CNTN5: variants seen among roughly 807,000 people sequenced by gnomAD.
CNTN5 encodes contactin-5.
A neutral mutation model predicts 129.1 loss-of-function variants in CNTN5; 77 were observed. That is an observed-to-expected ratio of 0.60 (90% CI 0.50 to 0.72). The LOEUF is 0.72. CNTN5 is among the 30% of genes least tolerant of loss of function. The probability of loss-of-function intolerance (pLI) is 0.00; values close to 1 mark genes in which losing one functional copy is unlikely to be tolerated. For missense variants in CNTN5, 1,478 were observed against 1,328.8 expected (o/e 1.11, Z -1.75); for synonymous variants, 509 against 465.6 (o/e 1.09, Z -1.20).
intron 1 of CNTN5, among the ~76,000 whole-genome samples, chr11:99,247,695 A>G (rs986667596): frequency 6.6e-6 from 1 of 151,742 alleles, no homozygotes; most frequent in African/African-American, 2.4e-5. Flanking sequence ...CCCACCTATC[A>G]GTGAGAACAT....
intron 3 of CNTN5, among the ~76,000 whole-genome samples, chr11:99,680,663 T>A (rs933805688): frequency 6.6e-6 from 1 of 151,996 alleles, no homozygotes; most frequent in African/African-American, 2.4e-5. Flanking sequence ...ATCCATTCCA[T>A]GAATCTTGAA....
rs774719374 is a variant in CNTN5 at position 99,533,438 on chromosome 11, A to C, written c.-70-22707A>C. Among the ~76,000 whole-genome samples the C allele has an allele frequency of 5.3e-4, 80 of 152,190 alleles. 1 individual carries two copies. Among genetic ancestry groups the C allele is most frequent in the Non-Finnish European group, 9.9e-4 (67 of 68,018 alleles). On this transcript the variant is annotated intron_variant, in intron 2 of 24. Transcript: ENST00000524871. ...TTTGTATTTTGATTGGTCAATGTAA[A>C]TACCACTCAGTCTCTTGTAAATCTT...
chr11:99,438,931 C>G (rs1296869507), intron 2 of CNTN5, among the ~76,000 whole-genome samples: 1 of 152,104 alleles, frequency 6.6e-6, no homozygotes, highest in Non-Finnish European at 1.5e-5. Context: ...TGTTGTGACG[C>G]TATAGAACTG....
intron 1 of CNTN5, among the ~76,000 whole-genome samples, chr11:99,229,532 A>AC (rs1860874831): frequency 3.7e-5 from 5 of 133,528 alleles, no homozygotes; most frequent in South Asian, 4.9e-4. Context: ...TTTAGACAAA[A>AC]AAAAAAAAAA....
At chr11:100,107,436 C>T (rs1433444285) in intron 13 of CNTN5, among the ~76,000 whole-genome samples, 1 of 150,734 alleles carries the variant, frequency 6.6e-6, no homozygotes, top group African/African-American at 2.4e-5. Flanking sequence ...TCCCAGAATG[C>T]ATTAGATTAC....
chr11:99,766,654 C>G (rs1002773961), intron 3 of CNTN5, among the ~76,000 whole-genome samples: 1 of 151,990 alleles, frequency 6.6e-6, no homozygotes, highest in African/African-American at 2.4e-5. Flanking sequence ...TATTAATACC[C>G]CCATCGCTGC....
At chr11:100,156,666 G>A (rs1260631513) in intron 13 of CNTN5, among the ~76,000 whole-genome samples, 2 of 151,950 alleles carry the variant, frequency 1.3e-5, no homozygotes, top group Admixed American at 6.6e-5. Flanking sequence ...ATTAATTTCA[G>A]AACTTGTTAT....
At chr11:99,353,290 G>A (rs1277796693) in intron 2 of CNTN5, among the ~76,000 whole-genome samples, 3 of 152,162 alleles carry the variant, frequency 2.0e-5, no homozygotes, top group African/African-American at 7.2e-5. Context: ...TCAAACTGAT[G>A]TAAGTGTACT....
chr11:100,227,156 A>G (rs1248958288), intron 16 of CNTN5, among the ~76,000 whole-genome samples: 1 of 152,154 alleles, frequency 6.6e-6, no homozygotes, highest in East Asian at 1.9e-4. Flanking sequence ...ACGTACTTGG[A>G]TGGCAAGGAT....
intron 17 of CNTN5, among the ~76,000 whole-genome samples, chr11:100,269,559 C>T (rs1950370694): frequency 1.3e-5 from 2 of 152,066 alleles, no homozygotes; most frequent in Admixed American, 1.3e-4. Context: ...AAGAGGTCCA[C>T]CCCTTAATAA....
intron 9 of CNTN5, among the ~76,000 whole-genome samples, chr11:100,026,447 G>A (rs1478418010): frequency 1.3e-5 from 2 of 152,050 alleles, no homozygotes; most frequent in Non-Finnish European, 2.9e-5. Flanking sequence ...GTTTACTTTT[G>A]TAAGAAACTG....
At chr11:100,171,426 T>G (rs1947822355) in intron 13 of CNTN5, among the ~76,000 whole-genome samples, 1 of 152,034 alleles carries the variant, frequency 6.6e-6, no homozygotes, top group Non-Finnish European at 1.5e-5. Flanking sequence ...TAATGAAGGT[T>G]ACAATTCTTT....
chr11:100,191,337 T>C, intron 14 of CNTN5, 84 bp downstream of exon 14: 3 of 1,181,928 alleles, frequency 2.5e-6, no homozygotes, highest in Non-Finnish European at 2.3e-6. Flanking sequence ...AATGCATATA[T>C]GTTTGGACTT....
intron 2 of CNTN5, among the ~76,000 whole-genome samples, chr11:99,336,018 G>T (rs1030531929): frequency 6.6e-6 from 1 of 151,786 alleles, no homozygotes; most frequent in Admixed American, 6.6e-5. Context: ...GCCTTCTTCA[G>T]CCTAACCTTA....
At chr11:99,149,892 T>C (rs191335669) in intron 1 of CNTN5, among the ~76,000 whole-genome samples, 2 of 152,214 alleles carry the variant, frequency 1.3e-5, no homozygotes, top group Non-Finnish European at 2.9e-5. Flanking sequence ...TAATTTGGGA[T>C]ACACAACCTA....
intron 2 of CNTN5, among the ~76,000 whole-genome samples, chr11:99,488,286 C>A (rs1945899305): frequency 6.6e-6 from 1 of 151,668 alleles, no homozygotes; most frequent in East Asian, 1.9e-4. Flanking sequence ...GATTTTCCTG[C>A]CTCAGCCTCC....
chr11:99,034,934 G>A (rs1159918104), intron 1 of CNTN5, among the ~76,000 whole-genome samples: 3 of 150,880 alleles, frequency 2.0e-5, no homozygotes, highest in African/African-American at 7.3e-5. Flanking sequence ...TGTACACACT[G>A]CTTTGAATGT....
chr11:99,310,987 G>A (rs950339803), intron 1 of CNTN5, among the ~76,000 whole-genome samples: 1 of 151,828 alleles, frequency 6.6e-6, no homozygotes, highest in African/African-American at 2.4e-5. Context: ...GCCGGAATGC[G>A]GTGGTGCTGT....
chr11:99,390,797 A>G (rs1321074199), intron 2 of CNTN5, among the ~76,000 whole-genome samples: 1 of 152,134 alleles, frequency 6.6e-6, no homozygotes. Flanking sequence ...GTAATAAAGT[A>G]CCCATCATAT....
Sources: allele counts gnomAD v4.1 joint callset (sites outside exome capture counted in the v4.1 genomes callset), GRCh38; gene constraint gnomAD v4.1.1; transcripts MANE v1.5; gene names NCBI Gene and HGNC (gene_info 2026-07-23, HGNC 2026-07-21).